The following DSCAM variants were observed in gnomAD, a reference collection of about 807,000 sequenced individuals.
DSCAM encodes the protein cell adhesion molecule DSCAM.
In DSCAM, 47 loss-of-function variants were observed where a neutral mutation model predicts 217.7. The observed-to-expected ratio is 0.22, with a 90% CI of 0.17 to 0.28. The LOEUF (loss-of-function observed/expected upper bound fraction) is 0.28. Among genes scored for constraint, DSCAM ranks in the 10% least tolerant of loss-of-function variants. The pLI, the probability that DSCAM is intolerant of heterozygous loss-of-function variation, is 1.00. For missense variants in DSCAM, 2,080 were observed against 2,618.3 expected, an observed-to-expected ratio of 0.79 and a Z score of 4.49; for synonymous variants, 1,056 against 1,015.3, an observed-to-expected ratio of 1.04 and a Z score of -0.76.
At chr21:40,798,227 C>T (rs1367217777) in intron 1 of DSCAM, among the ~76,000 whole-genome samples, 2 of 151,868 alleles carry the variant, frequency 1.3e-5, no homozygotes, top group East Asian at 1.9e-4. Context: ...AGGAAATATG[C>T]ATTTGATCTA....
chr21:40,694,471 G>T (rs1020138829), intron 2 of DSCAM, among the ~76,000 whole-genome samples: 1 of 152,114 alleles, frequency 6.6e-6, no homozygotes, highest in East Asian at 1.9e-4. Flanking sequence ...TGTTAAGGTC[G>T]GGCTAACCTT....
intron 1 of DSCAM, among the ~76,000 whole-genome samples, chr21:40,755,613 A>G (rs1015198493): frequency 1.2e-4 from 18 of 152,178 alleles, no homozygotes; most frequent in African/African-American, 3.9e-4. Context: ...CTGAGAGGCC[A>G]CAGCAGAGTG....
chr21:40,824,945 C>T (rs1025518593), intron 1 of DSCAM, among the ~76,000 whole-genome samples: 2 of 152,192 alleles, frequency 1.3e-5, no homozygotes, highest in African/African-American at 4.8e-5. Flanking sequence ...TTGTTTTCTG[C>T]TTCCATAAAC....
intron 21 of DSCAM, among the ~76,000 whole-genome samples, chr21:40,090,876 T>G (rs1445296794): frequency 1.3e-5 from 2 of 152,156 alleles, no homozygotes; most frequent in Non-Finnish European, 1.5e-5. Flanking sequence ...TGTCTGTACC[T>G]CCTCTCACTG....
At chr21:40,356,851 G>A (rs1180705150) in intron 4 of DSCAM, among the ~76,000 whole-genome samples, 4 of 152,162 alleles carry the variant, frequency 2.6e-5, no homozygotes, top group Admixed American at 6.5e-5. Context: ...CTGTGATTCC[G>A]TAGTCAGCCA....
intron 3 of DSCAM, among the ~76,000 whole-genome samples, chr21:40,559,786 CTTTTTT>C (rs548599799): frequency 2.7e-5 from 3 of 109,410 alleles, no homozygotes; most frequent in African/African-American, 6.8e-5. Context: ...AATTTTCTGT[CTTTTTT>C]TTTTTTTTTT....
chr21:40,693,028 TA>T (rs1391751702), intron 2 of DSCAM, 72 bp from the exon 3 acceptor site: 1 of 1,526,592 alleles, frequency 6.6e-7, no homozygotes, highest in African/African-American at 1.4e-5. Context: ...CTCACTGTAA[TA>T]TATACACTGC....
At chr21:40,800,278 C>T (rs757450939) in intron 1 of DSCAM, among the ~76,000 whole-genome samples, 5 of 152,138 alleles carry the variant, frequency 3.3e-5, no homozygotes, top group South Asian at 2.1e-4. Context: ...ATAAGCAATA[C>T]GAACTAAGAC....
intron 32 of DSCAM, among the ~76,000 whole-genome samples, chr21:40,022,485 G>A (rs2088290887): frequency 1.3e-5 from 2 of 152,224 alleles, no homozygotes. Flanking sequence ...ATAAGCAGTT[G>A]TACCCCTCAG....
At chr21:40,843,615 G>T (rs760874186) in intron 1 of DSCAM, among the ~76,000 whole-genome samples, 2 of 152,036 alleles carry the variant, frequency 1.3e-5, no homozygotes, top group African/African-American at 2.4e-5. Context: ...GACGTGTGTG[G>T]GTGAGTGTCT....
chr21:40,462,339 T>C (rs2075812594), intron 3 of DSCAM, among the ~76,000 whole-genome samples: 1 of 152,174 alleles, frequency 6.6e-6, no homozygotes, highest in Non-Finnish European at 1.5e-5. Context: ...TGGACCCATC[T>C]TCTGGCAGCT....
intron 11 of DSCAM, among the ~76,000 whole-genome samples, chr21:40,260,383 C>T (rs745517826): frequency 6.6e-6 from 1 of 152,214 alleles, no homozygotes; most frequent in Non-Finnish European, 1.5e-5. Context: ...TGCCTTCCTG[C>T]CTCAGCCACA....
chr21:40,238,811 T>C (rs566251102), intron 11 of DSCAM, among the ~76,000 whole-genome samples: 1 of 152,154 alleles, frequency 6.6e-6, no homozygotes, highest in Non-Finnish European at 1.5e-5. Context: ...ATTAAAAGAC[T>C]TTCCGTAATT....
chr21:40,319,783 T>C (rs988909293), intron 8 of DSCAM, among the ~76,000 whole-genome samples: 32 of 152,134 alleles, frequency 2.1e-4, no homozygotes, highest in African/African-American at 6.3e-4. Context: ...AACTAAATCA[T>C]GCAGGCCAAA....
chr21:40,016,402 G>A lies in DSCAM; in HGVS notation c.5687-3016C>T, dbSNP rs2088158259. Among the ~76,000 whole-genome samples, 1 of 152,002 alleles carries A rather than the reference G, an allele frequency of 6.6e-6. No individual in the cohort carries two copies. ...CGTACTTTGATGACAAAAGATGAAG[G>A]GTTTAGTTTCAGACCTGCTGAGTTT... On this transcript the variant is annotated intron_variant, in intron 32 of 32. Coordinates refer to ENST00000400454, the MANE Select transcript of DSCAM (RefSeq NM_001389.5). The surrounding 1 kb of genome is among the most constrained non-coding windows in gnomAD (Gnocchi z 4.3).
At chr21:40,223,697 T>A (rs1472685796) in intron 11 of DSCAM, among the ~76,000 whole-genome samples, 2 of 152,232 alleles carry the variant, frequency 1.3e-5, no homozygotes, top group Non-Finnish European at 2.9e-5. Flanking sequence ...CTAGGCTATA[T>A]TTCAATGTGA....
At position 40,187,204 on chromosome 21, in the gene DSCAM, C is replaced by A. The variant is rs770251174; in HGVS notation, c.2706G>T (p.Thr902=). The A allele has an allele frequency of 2.5e-6, 4 of 1,613,968 alleles. No homozygotes were observed. Among genetic ancestry groups the A allele is most frequent in the Non-Finnish European group, 3.4e-6 (4 of 1,179,976 alleles). The change falls in exon 14 of 33, where the codon ACG becomes ACT. Residue 902 remains threonine, a synonymous_variant. Coordinates refer to ENST00000400454, the MANE Select transcript of DSCAM (RefSeq NM_001389.5). The stretch of plus-strand genomic sequence containing the variant: ...CATCAAACCCCATGGTCCACCTGAG[C>A]GTAATTGTGCGTGCTTTGACATCTT... ...EIKDVKARTI[T]LRWTMGFDGN...
At chr21:40,614,571 T>G (rs946057358) in intron 3 of DSCAM, among the ~76,000 whole-genome samples, 1 of 152,218 alleles carries the variant, frequency 6.6e-6, no homozygotes, top group Non-Finnish European at 1.5e-5. Context: ...GCTCACTCTT[T>G]GGTTCAGAAA....
At position 40,036,288 on chromosome 21, in the gene DSCAM, AAGAG is replaced by A. The variant is rs1487716077; in HGVS notation, c.5686+6079_5686+6082del. 2.1e-4 allele frequency among the ~76,000 whole-genome samples: 32 copies of A among 149,890 alleles called. 1 individual carries two copies. Among genetic ancestry groups the A allele is most frequent in the African/African-American group, 7.6e-4 (30 of 39,458 alleles). On this transcript the variant is annotated intron_variant, in intron 32 of 32. Transcript: ENST00000400454. The stretch of plus-strand genomic sequence containing the variant: ...TGCTAGCAAGACTAATAAAGAGAAA[AAGAG>A]AGAAGAATCAAATAGATGCAATAAA...
Sources: gnomAD v4.1 joint callset for allele counts (sites outside exome capture counted in the v4.1 genomes callset) on GRCh38, gnomAD v4.1.1 for gene constraint, Gnocchi (gnomAD v3.1) non-coding constraint, MANE v1.5 for transcripts, NCBI Gene and HGNC (gene_info 2026-07-23, HGNC 2026-07-21) for gene names.